Variants in C19orf47 observed in about 807,000 individuals in gnomAD.
C19orf47 encodes chromosome 19 open reading frame 47, also known as uncharacterized protein C19orf47.
In C19orf47, 18 loss-of-function variants were observed where a neutral mutation model predicts 32.3. The observed-to-expected ratio is 0.56, with a 90% CI of 0.39 to 0.83. The LOEUF (loss-of-function observed/expected upper bound fraction) is 0.83. Among genes scored for constraint, C19orf47 ranks in the 40% least tolerant of loss-of-function variants. The pLI, the probability that C19orf47 is intolerant of heterozygous loss-of-function variation, is 0.00. For synonymous variants in C19orf47, 202 were observed against 211.1 expected, an observed-to-expected ratio of 0.96 and a Z score of 0.37; for missense variants, 484 against 531.6, an observed-to-expected ratio of 0.91 and a Z score of 0.88.
chr19:40,336,888 C>A (rs1040688298), intron 2 of C19orf47, among the ~76,000 whole-genome samples: 4 of 152,084 alleles, frequency 2.6e-5, no homozygotes, highest in Non-Finnish European at 4.4e-5. Context: ...AGCCCATGAG[C>A]CTTGGCAAGC....
chr19:40,334,214 C>T (rs1323865522), intron 4 of C19orf47, among the ~76,000 whole-genome samples: 3 of 151,848 alleles, frequency 2.0e-5, no homozygotes, highest in Admixed American at 6.6e-5. Context: ...TTCGGGAGGC[C>T]GAAGCGGGTG....
the C19orf47 span, among the ~76,000 whole-genome samples, chr19:40,309,846 T>C: frequency 2.6e-5 from 4 of 152,160 alleles, no homozygotes; most frequent in African/African-American, 9.7e-5. Flanking sequence ...AGGACAACTA[T>C]AATCAAAAAG....
chr19:40,311,319 C>A, the C19orf47 span, among the ~76,000 whole-genome samples: 1 of 151,500 alleles, frequency 6.6e-6, no homozygotes, highest in East Asian at 1.9e-4. Context: ...GCACAGGTTG[C>A]GGTGAGCCAA....
At chr19:40,315,206 T>C (rs1046427527), downstream of C19orf47, among the ~76,000 whole-genome samples, 4 of 152,222 alleles carry the variant, frequency 2.6e-5, no homozygotes, top group African/African-American at 7.2e-5. Flanking sequence ...CTATAGACTT[T>C]AGTTAATACT....
chr19:40,321,900 C>A lies in C19orf47; in HGVS notation c.1140G>T (p.Leu380=). ...AGGTGGGCTAGAAGGTCCTGCGGCC[C>A]AGTCTTTTGAACACGCTCACAGTGC... ...HAGTVSVFKR[L]GRRTF is the part of the protein sequence containing the mutation. The change falls in exon 9 of 9, where the codon CTG becomes CTT. Residue 380 remains leucine (L), a synonymous_variant. Transcript: ENST00000683109. 6 of 1,603,850 alleles carry A rather than the reference C, an allele frequency of 3.7e-6. No homozygotes were observed. Among genetic ancestry groups the A allele is most frequent in the Non-Finnish European group, 4.3e-6 (5 of 1,175,322 alleles).
chr19:40,328,413 C>T lies in C19orf47; in HGVS notation c.439G>A (p.Ala147Thr), dbSNP rs765795709. 1 of 1,612,698 alleles carries T rather than the reference C, an allele frequency of 6.2e-7. No individual in the cohort carries two copies. Among genetic ancestry groups the T allele is most frequent in the Non-Finnish European group, 8.5e-7 (1 of 1,179,374 alleles). ...CTACCACCTGCCCATGTTCCCTCAC[C>T]AGTGGCCTTGGCACTCTTTGCTGCC... The part of the protein sequence containing the change: ...KMAAKSAKAT[A>T]ALARREEESL... The change falls in exon 6 of 9, where the codon GCA becomes ACA. Residue 147 changes from alanine to threonine, a missense_variant and splice_region_variant. By Grantham distance (58) the Ala-to-Thr change is moderately conservative. Around this residue, in one of 3 missense-constraint regions of C19orf47, gnomAD observed 376 missense variants for 370.2 expected, o/e 1.02. Coordinates refer to ENST00000683109, the MANE Select transcript of C19orf47 (RefSeq NM_001256441.2).
chr19:40,311,311 A>G, the C19orf47 span, among the ~76,000 whole-genome samples: 2 of 151,734 alleles, frequency 1.3e-5, no homozygotes, highest in Admixed American at 1.3e-4. Flanking sequence ...CCCGGGAGGC[A>G]CAGGTTGCGG....
intron 1 of C19orf47, among the ~76,000 whole-genome samples, chr19:40,342,608 G>A (rs145715014): frequency 5.1e-4 from 77 of 152,292 alleles, no homozygotes; most frequent in African/African-American, 1.8e-3. Context: ...AATATAGTAC[G>A]TTAGGAAGCC....
At chr19:40,308,221 T>C in the C19orf47 span, among the ~76,000 whole-genome samples, 5 of 151,526 alleles carry the variant, frequency 3.3e-5, no homozygotes, top group African/African-American at 1.2e-4. Flanking sequence ...AGTGACACAA[T>C]CTCGGCTCAC....
At chr19:40,318,000 G>A (rs979159768), downstream of C19orf47, among the ~76,000 whole-genome samples, 2 of 152,078 alleles carry the variant, frequency 1.3e-5, no homozygotes, top group African/African-American at 2.4e-5. Flanking sequence ...GATTACAGGC[G>A]TAAGCCACCA....
At chr19:40,311,684 CT>C in the C19orf47 span, among the ~76,000 whole-genome samples, 1 of 151,962 alleles carries the variant, frequency 6.6e-6, no homozygotes, top group Non-Finnish European at 1.5e-5. Context: ...GATGTGGAGT[CT>C]TGCTGGGTCG....
In C19orf47 at chr19:40,322,023, C is replaced by T; in HGVS notation, c.1017G>A (p.Lys339=). 6.2e-7 allele frequency: 1 copy of T among 1,614,182 alleles called. No homozygotes were observed. Among genetic ancestry groups the T allele is most frequent in the Non-Finnish European group, 8.5e-7 (1 of 1,180,030 alleles). Reference sequence around the variant, plus strand: ...TGGTGACCTTGACCTCGGCTGAGGACTTACTCTTGGTGCTGGTGACCTGGC... The same window carrying T: ...TGGTGACCTTGACCTCGGCTGAGGATTTACTCTTGGTGCTGGTGACCTGGC... ...QDSQVTSTKS[K]SSAEVKVTIK... Residue 339 remains lysine, a synonymous_variant, in exon 9 of 9, where the codon AAG becomes AAA. Transcript: ENST00000683109.
chr19:40,324,410 T>G (rs980762880), intron 7 of C19orf47: 9 of 361,660 alleles, frequency 2.5e-5, no homozygotes, highest in Admixed American at 4.0e-5. Flanking sequence ...ATCTGATGAG[T>G]GGTAGTGCAT....
chr19:40,327,149 G>A (rs1457267129), intron 6 of C19orf47, among the ~76,000 whole-genome samples: 2 of 151,808 alleles, frequency 1.3e-5, no homozygotes, highest in South Asian at 4.2e-4. Context: ...AAGTAGCTGG[G>A]ATTACAGGCA....
At chr19:40,314,422 C>T in the C19orf47 span, among the ~76,000 whole-genome samples, 5 of 152,010 alleles carry the variant, frequency 3.3e-5, no homozygotes, top group African/African-American at 9.7e-5. Context: ...AACGAAACTC[C>T]GTCTCAAAAA....
At position 40,336,105 on chromosome 19, in the gene C19orf47, C is replaced by A; in HGVS notation, c.222+5G>T. ...AGAGACAGAGGGGCTGGGCACAGCA[C>A]CCACCTGACGGTGCACCACTTTGGC... On this transcript the variant is annotated splice_donor_5th_base_variant and intron_variant, in intron 4 of 8. Coordinates refer to ENST00000683109, the MANE Select transcript of C19orf47 (RefSeq NM_001256441.2). 1 of 1,613,636 alleles carries A rather than the reference C, an allele frequency of 6.2e-7. No homozygotes were observed.
At chr19:40,326,019 C>T (rs947471008) in intron 7 of C19orf47, among the ~76,000 whole-genome samples, 10 of 152,218 alleles carry the variant, frequency 6.6e-5, no homozygotes, top group Admixed American at 1.3e-4. Context: ...TTCATATTAA[C>T]GGTGCCACTT....
rs2077726318 is a variant in C19orf47 at position 40,321,942 on chromosome 19, G to A, written c.1098C>T (p.Ala366=). The change falls in exon 9 of 9, where the codon GCC becomes GCT. Residue 366 remains alanine (A), a synonymous_variant. Transcript: ENST00000683109. ...TCACAGTGCCCGCGTGGTCCATCTG[G>A]GCACCAAGGCCCTCGCTGGAGCTGC... ...RGSSSSEGLG[A]QMDHAGTVSV... is the part of the protein sequence containing the mutation. The A allele has an allele frequency of 6.2e-7, 1 of 1,613,612 alleles. No homozygotes were observed. The highest frequency in any genetic ancestry group is 8.5e-7 in the Non-Finnish European group (1 of 1,179,894).
intron 2 of C19orf47, among the ~76,000 whole-genome samples, chr19:40,341,416 CCT>C (rs1473073700): frequency 6.6e-6 from 1 of 152,116 alleles, no homozygotes; most frequent in Non-Finnish European, 1.5e-5. Flanking sequence ...CACCAACTAA[CCT>C]CTGTGCCTTA....
Sources: gnomAD v4.1 joint callset for allele counts (sites outside exome capture counted in the v4.1 genomes callset) on GRCh38, gnomAD v4.1.1 for gene constraint, gnomAD v4.1.1 regional missense constraint, MANE v1.5 for transcripts, NCBI Gene and HGNC (gene_info 2026-07-23, HGNC 2026-07-21) for gene names.